The following JAKMIP3 variants were observed in gnomAD, a reference collection of about 807,000 sequenced individuals.
JAKMIP3 encodes the protein janus kinase and microtubule-interacting protein 3.
A neutral mutation model predicts 118.5 loss-of-function variants in JAKMIP3; 58 were observed. The ratio of observed to expected loss-of-function variants is 0.49; its 90% CI spans 0.40 to 0.61. The LOEUF (loss-of-function observed/expected upper bound fraction) is 0.61, where lower values mean the gene tolerates loss of function less well. JAKMIP3 is among the 20% of genes least tolerant of loss of function. JAKMIP3 has a pLI of 0.00. For synonymous variants in JAKMIP3, 486 were observed against 451.2 expected (o/e 1.08, Z -0.98); for missense variants, 950 against 1,109.0 (o/e 0.86, Z 2.04).
At chr10:132,039,833 C>T (rs1229403560) in intron 1 of JAKMIP3, among the ~76,000 whole-genome samples, 6 of 152,272 alleles carry the variant, frequency 3.9e-5, no homozygotes, top group East Asian at 1.9e-4. Context: ...CCCACCTCCA[C>T]GCCTCACGTG....
At chr10:132,080,719 C>A (rs1337442676) in intron 1 of JAKMIP3, among the ~76,000 whole-genome samples, 2 of 151,544 alleles carry the variant, frequency 1.3e-5, no homozygotes, top group Non-Finnish European at 2.9e-5. Context: ...AAGGTTTCAC[C>A]ATGTTGACCG....
At chr10:132,085,621 C>G (rs1228635379) in intron 1 of JAKMIP3, among the ~76,000 whole-genome samples, 1 of 152,082 alleles carries the variant, frequency 6.6e-6, no homozygotes, top group African/African-American at 2.4e-5. Flanking sequence ...CTGCCTCAGC[C>G]TCCCGAGTAG....
At chr10:132,059,665 C>T (rs943694656) in intron 1 of JAKMIP3, among the ~76,000 whole-genome samples, 13 of 152,200 alleles carry the variant, frequency 8.5e-5, no homozygotes, top group East Asian at 5.8e-4. Flanking sequence ...TCGCAGCAGG[C>T]GCTTAGTGGG....
At chr10:132,180,859 TGA>T (rs1403476225) in intron 23 of JAKMIP3, among the ~76,000 whole-genome samples, 2 of 152,034 alleles carry the variant, frequency 1.3e-5, no homozygotes, top group Non-Finnish European at 2.9e-5. Flanking sequence ...GTGCTGTGTG[TGA>T]GTGGTGTCTT....
chr10:132,109,724 G>A (rs974168593), intron 2 of JAKMIP3, among the ~76,000 whole-genome samples: 1 of 152,202 alleles, frequency 6.6e-6, no homozygotes, highest in Non-Finnish European at 1.5e-5. Context: ...CCTGAGTGGG[G>A]AAGGGCTTGA....
intron 1 of JAKMIP3, among the ~76,000 whole-genome samples, chr10:132,040,669 T>A (rs974561826): frequency 2.0e-5 from 3 of 151,794 alleles, no homozygotes; most frequent in African/African-American, 7.3e-5. Context: ...ATTTTTTTTT[T>A]ATCGTGGTAG....
chr10:132,108,266 C>G (rs1466471599), intron 2 of JAKMIP3, among the ~76,000 whole-genome samples: 1 of 152,156 alleles, frequency 6.6e-6, no homozygotes, highest in Admixed American at 6.5e-5. Flanking sequence ...AGGCATTGAA[C>G]CTGCCCAGGG....
At chr10:132,048,518 C>T (rs9419168) in intron 1 of JAKMIP3, among the ~76,000 whole-genome samples, 70,922 of 151,772 alleles carry the variant, frequency 0.47, 17,788 homozygotes, top group East Asian at 0.97. Flanking sequence ...TTAAACAAAT[C>T]ACTCCAGCTT....
intron 1 of JAKMIP3, among the ~76,000 whole-genome samples, chr10:132,037,118 A>C (rs2037534287): frequency 6.6e-6 from 1 of 152,234 alleles, no homozygotes; most frequent in Non-Finnish European, 1.5e-5. Context: ...TCTGGTTTTT[A>C]AATTTCACAG....
chr10:132,046,283 G>A (rs759262062), intron 1 of JAKMIP3, among the ~76,000 whole-genome samples: 1 of 151,976 alleles, frequency 6.6e-6, no homozygotes, highest in East Asian at 1.9e-4. Flanking sequence ...TGAAACCCCC[G>A]TCTCTACTAA....
chr10:132,103,986 T>C (rs1032099163), intron 1 of JAKMIP3, among the ~76,000 whole-genome samples: 1 of 152,242 alleles, frequency 6.6e-6, no homozygotes, highest in Admixed American at 6.5e-5. Context: ...GCATTTGTCC[T>C]TCTGTGACCG....
chr10:132,121,600 C>A (rs1182141909), intron 3 of JAKMIP3, among the ~76,000 whole-genome samples: 1 of 152,180 alleles, frequency 6.6e-6, no homozygotes, highest in Non-Finnish European at 1.5e-5. Flanking sequence ...CCCTCGAGAG[C>A]TGTCCCATGA....
At chr10:132,149,673 CCT>C (rs1352687652) in intron 15 of JAKMIP3, among the ~76,000 whole-genome samples, 163 bp downstream of exon 15, 4 of 9,982 alleles carry the variant, frequency 4.0e-4, no homozygotes, top group Non-Finnish European at 8.0e-4. Flanking sequence ...CGCCCCACCC[CCT>C]CCCTGCCCCA....
intron 23 of JAKMIP3, among the ~76,000 whole-genome samples, chr10:132,180,657 G>GTGTATGTGCA (rs2060978263): frequency 3.9e-5 from 1 of 25,866 alleles, no homozygotes; most frequent in African/African-American, 1.6e-4. Context: ...GTGTGCGTGT[G>GTGTATGTGCA]CGTGTGTGCG....
chr10:132,102,857 G>C (rs67901890), intron 1 of JAKMIP3, among the ~76,000 whole-genome samples: 18,993 of 152,102 alleles, frequency 0.12, 1,561 homozygotes, highest in Non-Finnish European at 0.18. Flanking sequence ...TAGGGGGCTG[G>C]AGACAGATGC....
At chr10:132,039,272 C>A (rs1185031605) in intron 1 of JAKMIP3, among the ~76,000 whole-genome samples, 1 of 152,124 alleles carries the variant, frequency 6.6e-6, no homozygotes. Context: ...GGGCATGAGC[C>A]ACCGTGCCCA....
chr10:132,054,961 A>C (rs948050724), intron 1 of JAKMIP3, among the ~76,000 whole-genome samples: 3 of 146,398 alleles, frequency 2.0e-5, no homozygotes, highest in South Asian at 2.2e-4. Flanking sequence ...AGAGTCCTGC[A>C]CTCCTACACC....
chr10:132,083,917 C>T (rs181773547), intron 1 of JAKMIP3, among the ~76,000 whole-genome samples: 42 of 152,236 alleles, frequency 2.8e-4, no homozygotes, highest in Middle Eastern at 6.8e-3. Context: ...GCCAGTACCA[C>T]GCTGTTTTGG....
At chr10:132,177,645 G>T (rs1341025181) in intron 23 of JAKMIP3, among the ~76,000 whole-genome samples, 1 of 149,794 alleles carries the variant, frequency 6.7e-6, no homozygotes, top group Non-Finnish European at 1.5e-5. Context: ...TTGCTCCTGT[G>T]TCCTGGGTAG....
Sources: allele counts gnomAD v4.1 joint callset (sites outside exome capture counted in the v4.1 genomes callset), GRCh38; gene constraint gnomAD v4.1.1; transcripts MANE v1.5; gene names NCBI Gene and HGNC (gene_info 2026-07-23, HGNC 2026-07-21).